IL1RAPL2: variants seen among roughly 807,000 people sequenced by gnomAD.
IL1RAPL2 encodes the protein X-linked interleukin-1 receptor accessory protein-like 2.
In IL1RAPL2, 3 loss-of-function variants were observed where a neutral mutation model predicts 44.1. That is an observed-to-expected ratio of 0.07 (90% CI 0.03 to 0.18). The LOEUF is 0.18. Ranked by LOEUF, IL1RAPL2 falls within the 10% of genes least tolerant of loss-of-function variation. The probability of loss-of-function intolerance (pLI) is 1.00; values close to 1 mark genes in which losing one functional copy is unlikely to be tolerated. For synonymous variants in IL1RAPL2, 181 were observed against 178.8 expected (o/e 1.01, Z -0.10); for missense variants, 391 against 496.4 (o/e 0.79, Z 2.02).
At chrX:104,902,385 G>T (rs1923846722) in intron 2 of IL1RAPL2, among the ~76,000 whole-genome samples, 1 of 111,763 alleles carries the variant, frequency 8.9e-6, no homozygotes, top group Non-Finnish European at 1.9e-5. Flanking sequence ...TACATCAACC[G>T]AAACAATTTT....
intron 2 of IL1RAPL2, among the ~76,000 whole-genome samples, chrX:105,072,128 A>G (rs2032215411): frequency 9.0e-6 from 1 of 111,234 alleles, no homozygotes; most frequent in African/African-American, 3.3e-5. Flanking sequence ...AGCTGTTCTC[A>G]TAAAAATGAG....
intron 4 of IL1RAPL2, among the ~76,000 whole-genome samples, chrX:105,254,646 G>A (rs1687259972): frequency 8.9e-6 from 1 of 111,956 alleles, no homozygotes; most frequent in African/African-American, 3.2e-5. Context: ...TGTCCTGAAT[G>A]CTGTTGCCTA....
At chrX:105,030,099 G>GT (rs956593400) in intron 2 of IL1RAPL2, among the ~76,000 whole-genome samples, 2 of 110,732 alleles carry the variant, frequency 1.8e-5, no homozygotes, top group African/African-American at 6.6e-5. Flanking sequence ...TGATGGGTTT[G>GT]TTTTTTTCTT....
chrX:105,432,098 T>G (rs2147751283), intron 5 of IL1RAPL2, among the ~76,000 whole-genome samples: 1 of 107,209 alleles, frequency 9.3e-6, no homozygotes, highest in Non-Finnish European at 1.9e-5. Flanking sequence ...TCCAGAAAAT[T>G]TGGGTAGTAG....
intron 5 of IL1RAPL2, among the ~76,000 whole-genome samples, chrX:105,355,205 G>T (rs764892211): frequency 9.0e-6 from 1 of 111,360 alleles, no homozygotes; most frequent in South Asian, 3.9e-4. Context: ...AGCCTAGAAT[G>T]TCAACATGTT....
At position 105,502,869 on chromosome X, in the gene IL1RAPL2, A is replaced by G. The variant is rs753417556; in HGVS notation, c.772+18482A>G. ...ACCAAAATCAGTGCTTTAAAAAAAA[A>G]TGCAAATGTAGTTAGCTAAGCGTAT... On this transcript the variant is annotated intron_variant, in intron 6 of 10. Transcript: ENST00000372582. Among the ~76,000 whole-genome samples the G allele has an allele frequency of 2.7e-5, 3 of 110,981 alleles. No individual in the cohort carries two copies. In the East Asian group the frequency reaches 8.6e-4, roughly 32 times the overall value.
chrX:105,424,818 G>A (rs767362733), intron 5 of IL1RAPL2, among the ~76,000 whole-genome samples: 162 of 110,373 alleles, frequency 1.5e-3, no homozygotes, highest in Non-Finnish European at 2.6e-3. Context: ...GATTAAGTGT[G>A]TACTGATAAT....
chrX:105,586,458 A>T (rs1210729778), intron 6 of IL1RAPL2, among the ~76,000 whole-genome samples: 1 of 112,107 alleles, frequency 8.9e-6, no homozygotes, highest in East Asian at 2.8e-4. Context: ...TCAAAGATTT[A>T]GAAGTAGAGG....
At chrX:105,529,026 C>A (rs1180469581) in intron 6 of IL1RAPL2, among the ~76,000 whole-genome samples, 1 of 111,107 alleles carries the variant, frequency 9.0e-6, no homozygotes, top group Non-Finnish European at 1.9e-5. Context: ...TGTATAAATT[C>A]AAGGTAATTT....
chrX:105,046,703 G>A (rs2031841493), intron 2 of IL1RAPL2, among the ~76,000 whole-genome samples: 1 of 110,972 alleles, frequency 9.0e-6, no homozygotes, highest in Non-Finnish European at 1.9e-5. Flanking sequence ...CCTGTTTACT[G>A]GTAGGTTTGA....
intron 6 of IL1RAPL2, among the ~76,000 whole-genome samples, chrX:105,612,331 T>C (rs2037342869): frequency 9.0e-6 from 1 of 111,024 alleles, no homozygotes; most frequent in East Asian, 2.9e-4. Flanking sequence ...GGTTTTGAAC[T>C]CCTGGTCTCA....
chrX:104,898,164 G>A (rs1923707998), intron 2 of IL1RAPL2, among the ~76,000 whole-genome samples: 2 of 112,200 alleles, frequency 1.8e-5, no homozygotes, highest in Non-Finnish European at 3.8e-5. Flanking sequence ...TGGAAACTGG[G>A]TTAGGTAGTG....
chrX:105,344,903 C>T (rs1450105110), intron 5 of IL1RAPL2, among the ~76,000 whole-genome samples: 2 of 111,531 alleles, frequency 1.8e-5, no homozygotes, highest in South Asian at 3.8e-4. Context: ...AATATTATGC[C>T]ATGAAGTATG....
chrX:105,710,180 A>C (rs1451185342), intron 6 of IL1RAPL2, among the ~76,000 whole-genome samples: 3 of 110,666 alleles, frequency 2.7e-5, no homozygotes, highest in African/African-American at 9.9e-5. Context: ...GAAACCAGAA[A>C]TAGTAGAAAG....
intron 2 of IL1RAPL2, among the ~76,000 whole-genome samples, chrX:105,060,585 C>CTTTTTTTTTTTCTTTTTTTTTTTTTTT (rs2032059803): frequency 1.4e-5 from 1 of 70,172 alleles, no homozygotes. Context: ...TTTTCTTTTT[C>CTTTTTTTTTTTCTTTTTTTTTTTTTTT]TTTTTTTTTT....
intron 1 of IL1RAPL2, among the ~76,000 whole-genome samples, chrX:104,625,048 A>G (rs906647699): frequency 8.9e-6 from 1 of 111,849 alleles, no homozygotes; most frequent in South Asian, 3.7e-4. Flanking sequence ...TTTAAAATCT[A>G]TTGGAAAATA....
At chrX:104,911,410 T>A (rs1161046277) in intron 2 of IL1RAPL2, among the ~76,000 whole-genome samples, 1 of 111,819 alleles carries the variant, frequency 8.9e-6, no homozygotes, top group East Asian at 2.8e-4. Flanking sequence ...AGACAATTAT[T>A]ACTCAGGTAC....
chrX:105,027,733 T>C (rs2031398793), intron 2 of IL1RAPL2, among the ~76,000 whole-genome samples: 1 of 111,492 alleles, frequency 9.0e-6, no homozygotes, highest in Admixed American at 9.6e-5. Flanking sequence ...CTGGTGGGAA[T>C]GTATATTAGT....
chrX:104,961,134 T>A (rs1480353884), intron 2 of IL1RAPL2, among the ~76,000 whole-genome samples: 1 of 111,312 alleles, frequency 9.0e-6, no homozygotes, highest in Non-Finnish European at 1.9e-5. Context: ...AAAAGCATCC[T>A]GAGAACTCTT....
Sources: allele counts gnomAD v4.1 joint callset (sites outside exome capture counted in the v4.1 genomes callset), GRCh38; gene constraint gnomAD v4.1.1; transcripts MANE v1.5; gene names NCBI Gene and HGNC (gene_info 2026-07-23, HGNC 2026-07-21).